Variants in NAV3 observed in about 807,000 individuals in gnomAD.
NAV3 encodes the protein neuron navigator 3, also known as pore membrane and/or filament interacting like protein 1.
Under a neutral mutation model 244.7 loss-of-function variants are expected in NAV3, and 87 were observed. The observed-to-expected ratio is 0.36, with a 90% CI of 0.30 to 0.42. The LOEUF (loss-of-function observed/expected upper bound fraction) is 0.42. NAV3 is among the 20% of genes least tolerant of loss of function. NAV3 has a pLI of 1.00. For missense variants in NAV3, 2,663 were observed against 2,893.3 expected (o/e 0.92, Z 1.83); for synonymous variants, 1,126 against 1,042.2 (o/e 1.08, Z -1.55).
intron 22 of NAV3, among the ~76,000 whole-genome samples, chr12:78,157,788 A>T (rs568301149): frequency 1.4e-4 from 21 of 149,480 alleles, no homozygotes; most frequent in Non-Finnish European, 2.2e-4. Context: ...TGTTTGTGTG[A>T]GAGAGAGAGA....
intron 38 of NAV3, among the ~76,000 whole-genome samples, chr12:78,201,049 T>C (rs1959627839): frequency 1.5e-5 from 2 of 133,410 alleles, no homozygotes; most frequent in Admixed American, 7.7e-5. Flanking sequence ...CTCTCTCTCT[T>C]TCTTTCTTTG....
chr12:77,620,825 A>G (rs904027090), intron 2 of NAV3, among the ~76,000 whole-genome samples: 7 of 152,186 alleles, frequency 4.6e-5, no homozygotes, highest in African/African-American at 1.7e-4. Flanking sequence ...CAAAAAGACA[A>G]TATTTTGGCA....
At chr12:77,875,181 C>A (rs950472460) in intron 1 of NAV3, among the ~76,000 whole-genome samples, 1 of 151,848 alleles carries the variant, frequency 6.6e-6, no homozygotes, top group Non-Finnish European at 1.5e-5. Context: ...TTCAAACTTC[C>A]AGCAAGTTAT....
intron 12 of NAV3, among the ~76,000 whole-genome samples, chr12:78,102,539 C>A (rs1954587651): frequency 6.6e-6 from 1 of 152,190 alleles, no homozygotes. Flanking sequence ...TGATGGCCCT[C>A]TTCTCATAGC....
At chr12:77,873,815 C>G (rs114104839) in intron 1 of NAV3, among the ~76,000 whole-genome samples, 1,711 of 140,626 alleles carry the variant, frequency 0.012, 36 homozygotes, top group African/African-American at 0.04. Flanking sequence ...TATATTGTGT[C>G]AATTTGTTTT....
At chr12:77,910,825 G>A (rs1886507723) in intron 1 of NAV3, among the ~76,000 whole-genome samples, 1 of 152,060 alleles carries the variant, frequency 6.6e-6, no homozygotes, top group Admixed American at 6.6e-5. Flanking sequence ...ATAGGTTGGT[G>A]GTGTGCCACC....
At chr12:77,841,660 A>G (rs557470519) in intron 1 of NAV3, among the ~76,000 whole-genome samples, 34 of 152,290 alleles carry the variant, frequency 2.2e-4, no homozygotes, top group Admixed American at 1.8e-3. Flanking sequence ...GGCTGCTTTT[A>G]TCCTATAATG....
At chr12:77,605,624 A>C (rs1240881357) in intron 2 of NAV3, among the ~76,000 whole-genome samples, 3 of 152,176 alleles carry the variant, frequency 2.0e-5, no homozygotes, top group African/African-American at 7.2e-5. Context: ...TTAAAGATAT[A>C]ATCTTTTCTT....
At chr12:78,181,874 T>C (rs890341798) in intron 30 of NAV3, among the ~76,000 whole-genome samples, 66 of 151,970 alleles carry the variant, frequency 4.3e-4, no homozygotes, top group African/African-American at 1.6e-3. Flanking sequence ...GGAAATGACA[T>C]GGCATGCTGA....
At chr12:77,833,618 G>A (rs114744824) in intron 1 of NAV3, among the ~76,000 whole-genome samples, 2,767 of 152,300 alleles carry the variant, frequency 0.018, 74 homozygotes, top group African/African-American at 0.062. Flanking sequence ...TTTGCAGTAT[G>A]AAGGTGGCTT....
intron 1 of NAV3, among the ~76,000 whole-genome samples, chr12:77,912,866 C>T (rs901476567): frequency 1.3e-5 from 2 of 152,100 alleles, no homozygotes; most frequent in African/African-American, 2.4e-5. Context: ...CCTGCCTTGG[C>T]CTCCCAAAGT....
intron 2 of NAV3, among the ~76,000 whole-genome samples, chr12:77,728,388 A>T (rs777335397): frequency 7.9e-5 from 12 of 151,246 alleles, no homozygotes; most frequent in Non-Finnish European, 1.5e-4. Flanking sequence ...GAAAAGTGCA[A>T]AACTAGAGAC....
chr12:77,844,202 C>G (rs1411967977), intron 1 of NAV3, among the ~76,000 whole-genome samples: 1 of 152,136 alleles, frequency 6.6e-6, no homozygotes, highest in African/African-American at 2.4e-5. Flanking sequence ...CTGGTAAGGG[C>G]TAACTCTGCT....
At chr12:77,721,835 T>C (rs1344217254) in intron 2 of NAV3, among the ~76,000 whole-genome samples, 5 of 152,062 alleles carry the variant, frequency 3.3e-5, no homozygotes, top group African/African-American at 1.2e-4. Flanking sequence ...AAAATACATG[T>C]GTCATTATTT....
intron 30 of NAV3, among the ~76,000 whole-genome samples, chr12:78,182,907 G>C (rs1399403160): frequency 6.6e-6 from 1 of 151,916 alleles, no homozygotes; most frequent in African/African-American, 2.4e-5. Flanking sequence ...TTATGCTGGG[G>C]CTTTTTAACA....
At chr12:77,713,414 T>G (rs1876215894) in intron 2 of NAV3, among the ~76,000 whole-genome samples, 2 of 152,186 alleles carry the variant, frequency 1.3e-5, no homozygotes, top group African/African-American at 2.4e-5. Context: ...GTGTATTCAG[T>G]TTTATATACT....
intron 5 of NAV3, among the ~76,000 whole-genome samples, chr12:77,991,738 G>A (rs1386512418): frequency 6.6e-6 from 1 of 152,018 alleles, no homozygotes. Flanking sequence ...AGAAACATAA[G>A]AATATTTTAT....
chr12:77,776,442 A>G (rs1482649694), intron 2 of NAV3, among the ~76,000 whole-genome samples: 4 of 152,200 alleles, frequency 2.6e-5, no homozygotes, highest in African/African-American at 9.7e-5. Flanking sequence ...AAAACACATA[A>G]AGGCATAAGC....
At chr12:77,705,239 C>CATATTTCACCTGCTTGGGCT (rs1555196507) in intron 2 of NAV3, among the ~76,000 whole-genome samples, 13 of 151,574 alleles carry the variant, frequency 8.6e-5, no homozygotes, top group Non-Finnish European at 1.2e-4. Context: ...GCCAACATAG[C>CATATTTCACCTGCTTGGGCT]GAAACCCTGT....
Sources: allele counts gnomAD v4.1 joint callset (sites outside exome capture counted in the v4.1 genomes callset), GRCh38; gene constraint gnomAD v4.1.1; transcripts MANE v1.5; gene names NCBI Gene and HGNC (gene_info 2026-07-23, HGNC 2026-07-21).